The following ERC1 variants were observed in gnomAD, a reference collection of about 807,000 sequenced individuals.
The protein encoded by ERC1 is RAB6 interacting protein 2.
In ERC1, 56 loss-of-function variants were observed where a neutral mutation model predicts 132.0. The observed-to-expected ratio is 0.42, with a 90% CI of 0.34 to 0.53. The LOEUF (loss-of-function observed/expected upper bound fraction) is 0.53, where lower values mean the gene tolerates loss of function less well. Ranked by LOEUF, ERC1 falls within the 20% of genes least tolerant of loss-of-function variation. The pLI is 0.03. For synonymous variants in ERC1, 478 were observed against 476.1 expected, an observed-to-expected ratio of 1.00 and a Z score of -0.05; for missense variants, 1,202 against 1,349.9, an observed-to-expected ratio of 0.89 and a Z score of 1.72.
chr12:1,110,045 A>G, intron 4 of ERC1, 147 bp from the exon 5 acceptor site: 1 of 659,244 alleles, frequency 1.5e-6, no homozygotes, highest in Non-Finnish European at 2.5e-6. Flanking sequence ...TGTCTCAAAA[A>G]AAGGAAGCAA....
intron 2 of ERC1, among the ~76,000 whole-genome samples, chr12:1,033,304 G>A (rs1421120834): frequency 6.6e-6 from 1 of 152,020 alleles, no homozygotes; most frequent in Non-Finnish European, 1.5e-5. Flanking sequence ...CCAAAGTGCT[G>A]GGATTATAGG....
At chr12:1,324,286 G>A (rs1393238756) in intron 15 of ERC1, among the ~76,000 whole-genome samples, 1 of 152,142 alleles carries the variant, frequency 6.6e-6, no homozygotes, top group Non-Finnish European at 1.5e-5. Context: ...CTACTGATGA[G>A]GTGATAATGA....
intron 16 of ERC1, among the ~76,000 whole-genome samples, chr12:1,398,477 G>A (rs1320655444): frequency 1.3e-5 from 2 of 152,106 alleles, no homozygotes; most frequent in Non-Finnish European, 2.9e-5. Flanking sequence ...CAGTCTTCAA[G>A]ACTGAGATCT....
intron 16 of ERC1, among the ~76,000 whole-genome samples, chr12:1,387,350 G>C (rs552625969): frequency 1.3e-5 from 2 of 152,266 alleles, no homozygotes; most frequent in African/African-American, 4.8e-5. Flanking sequence ...AATTTGGTGG[G>C]ACTAGAAGGC....
At position 1,491,631 on chromosome 12, in the gene ERC1, A is replaced by G. The variant is rs2094319788; in HGVS notation, c.*1401A>G. ...GTCACCCGCTTGCCTGTAGGATTCC[A>G]TTTGATGATTCTGGATTTTTGCTGT... is the stretch of plus-strand genomic sequence containing the variant. On this transcript the variant is annotated 3_prime_UTR_variant, in exon 19 of 19. Coordinates refer to ENST00000360905, the MANE Select transcript of ERC1 (RefSeq NM_178040.4). 4 of 229,626 alleles carry G rather than the reference A, an allele frequency of 1.7e-5. No homozygotes were observed. In the South Asian group the frequency reaches 7.2e-4, roughly 42 times the overall value. The allele number at this position is 229,626 out of a possible 1,614,324, so 14.2% of individuals were successfully genotyped here.
At chr12:1,196,987 T>A (rs1227060800) in intron 12 of ERC1, among the ~76,000 whole-genome samples, 2,425 of 83,760 alleles carry the variant, frequency 0.029, 296 homozygotes, top group African/African-American at 0.094. Context: ...TTTTTTTTTT[T>A]TTTTTTTTTT....
rs1238145703 is a variant in ERC1 at position 1,083,302 on chromosome 12, C to G, written c.808C>G (p.Leu270Val). Reference sequence around the variant, plus strand: ...GCTGACAGAGGAGAACTTTCAGAGGCTTCATGCTGAGCATGAGCGGCAGGC... The same window carrying G: ...GCTGACAGAGGAGAACTTTCAGAGGGTTCATGCTGAGCATGAGCGGCAGGC... Reference protein sequence around the residue: ...AELTEENFQRLHAEHERQAKE... With the variant: ...AELTEENFQRVHAEHERQAKE... Residue 270 changes from leucine (L) to valine (V), a missense_variant, in exon 3 of 19, where the codon CTT becomes GTT. By Grantham distance (32) the Leu-to-Val change is conservative (BLOSUM62 1). Transcript: ENST00000360905. 5.0e-6 allele frequency: 8 copies of G among 1,614,160 alleles called. No homozygotes were observed. Among genetic ancestry groups the G allele is most frequent in the Non-Finnish European group, 6.8e-6 (8 of 1,180,022 alleles).
At chr12:1,344,082 C>A (rs1595125900) in intron 15 of ERC1, among the ~76,000 whole-genome samples, 1 of 152,250 alleles carries the variant, frequency 6.6e-6, no homozygotes, top group Middle Eastern at 3.4e-3. Flanking sequence ...ACCTCGTGAT[C>A]CCCCCACTTC....
intron 8 of ERC1, among the ~76,000 whole-genome samples, chr12:1,177,634 A>C (rs1042655521): frequency 1.3e-5 from 2 of 152,198 alleles, no homozygotes; most frequent in Non-Finnish European, 2.9e-5. Flanking sequence ...ACCCCAGATA[A>C]ATTACAATAG....
chr12:1,319,553 A>G (rs1459800073), intron 15 of ERC1, among the ~76,000 whole-genome samples: 1 of 152,242 alleles, frequency 6.6e-6, no homozygotes, highest in Non-Finnish European at 1.5e-5. Context: ...TTTCAAGTAA[A>G]TAAACAACCA....
At chr12:1,361,830 C>T (rs887849229) in intron 15 of ERC1, among the ~76,000 whole-genome samples, 2 of 152,164 alleles carry the variant, frequency 1.3e-5, no homozygotes, top group Non-Finnish European at 2.9e-5. Flanking sequence ...GCTTGACTTT[C>T]TGTATGAAGT....
At chr12:1,120,535 T>C (rs1176069211) in intron 7 of ERC1, among the ~76,000 whole-genome samples, 1 of 152,190 alleles carries the variant, frequency 6.6e-6, no homozygotes, top group African/African-American at 2.4e-5. Context: ...TTTTGATATA[T>C]CATTTACAGT....
intron 14 of ERC1, among the ~76,000 whole-genome samples, chr12:1,267,854 A>G (rs1000769179): frequency 6.6e-6 from 1 of 152,224 alleles, no homozygotes; most frequent in Non-Finnish European, 1.5e-5. Context: ...AGTGATAAAC[A>G]GTAATATTTT....
Position 1,083,552 on chromosome 12 carries a change from A to G in ERC1, c.1058A>G (p.Lys353Arg). The change falls in exon 3 of 19, where the codon AAG becomes AGG. Residue 353 changes from lysine to arginine, a missense_variant. Coordinates refer to ENST00000360905, the MANE Select transcript of ERC1 (RefSeq NM_178040.4). Reference protein sequence around the residue: ...VHHLESLLEQKEKENSMLREE... With the variant: ...VHHLESLLEQREKENSMLREE... The stretch of plus-strand genomic sequence containing the variant: ...CACCTAGAAAGCCTTTTGGAGCAGA[A>G]GGAAAAAGAGAACAGTATGTTGAGA... The G allele has an allele frequency of 6.2e-7, 1 of 1,606,898 alleles. No homozygotes were observed. Among genetic ancestry groups the G allele is most frequent in the Non-Finnish European group, 8.5e-7 (1 of 1,178,188 alleles).
chr12:1,111,797 G>A (rs973077303), intron 5 of ERC1, among the ~76,000 whole-genome samples: 1 of 151,652 alleles, frequency 6.6e-6, no homozygotes, highest in South Asian at 2.1e-4. Context: ...TAGTAGAGAC[G>A]GGTTTCACTA....
At chr12:1,260,643 A>G (rs2077084810) in intron 13 of ERC1, among the ~76,000 whole-genome samples, 1 of 152,186 alleles carries the variant, frequency 6.6e-6, no homozygotes, top group South Asian at 2.1e-4. Context: ...CAAAATTCCA[A>G]AACTAAAACT....
At chr12:1,130,983 TA>T (rs1181873700) in intron 7 of ERC1, among the ~76,000 whole-genome samples, 9 of 152,172 alleles carry the variant, frequency 5.9e-5, no homozygotes, top group South Asian at 4.1e-4. Flanking sequence ...ATTTAACTGT[TA>T]AAAAAATTTA....
At chr12:1,346,159 GTTGT>G (rs77940630) in intron 15 of ERC1, among the ~76,000 whole-genome samples, 43 of 151,658 alleles carry the variant, frequency 2.8e-4, no homozygotes, top group East Asian at 1.2e-3. Flanking sequence ...TCAAGTTTTT[GTTGT>G]TTGTTTGTTT....
At chr12:1,470,441 GT>G (rs1223825986) in intron 18 of ERC1, among the ~76,000 whole-genome samples, 10 of 150,046 alleles carry the variant, frequency 6.7e-5, no homozygotes, top group African/African-American at 2.0e-4. Flanking sequence ...TGGGTTTGGG[GT>G]TTTTTTTGTT....
Sources: gnomAD v4.1 joint callset for allele counts (sites outside exome capture counted in the v4.1 genomes callset) on GRCh38, gnomAD v4.1.1 for gene constraint, MANE v1.5 for transcripts, NCBI Gene and HGNC (gene_info 2026-07-23, HGNC 2026-07-21) for gene names.